Variants in CUBN observed in about 807,000 individuals in gnomAD.
CUBN encodes the protein cubilin, also known as 460 kDa receptor.
A neutral mutation model predicts 405.3 loss-of-function variants in CUBN; 282 were observed. The observed-to-expected ratio is 0.70, with a 90% CI of 0.63 to 0.77. The LOEUF is 0.77. CUBN is among the 30% of genes least tolerant of loss of function. The pLI, the probability that CUBN is intolerant of heterozygous loss-of-function variation, is 0.00. For synonymous variants in CUBN, 1,684 were observed against 1,617.0 expected (o/e 1.04, Z -0.99); for missense variants, 4,514 against 4,475.2 (o/e 1.01, Z -0.25).
intron 17 of CUBN, among the ~76,000 whole-genome samples, chr10:17,073,264 A>G (rs1357104476): frequency 6.6e-6 from 1 of 152,212 alleles, no homozygotes; most frequent in Non-Finnish European, 1.5e-5. Flanking sequence ...TGGGAATAAT[A>G]ATAGTGCAAG....
chr10:17,084,871 G>T (rs183687007), intron 16 of CUBN, among the ~76,000 whole-genome samples: 1 of 152,302 alleles, frequency 6.6e-6, no homozygotes, highest in East Asian at 1.9e-4. Context: ...AGGGGGAGTT[G>T]ATTTGCACGG....
intron 27 of CUBN, among the ~76,000 whole-genome samples, chr10:17,024,138 T>G (rs1046925977): frequency 1.1e-4 from 16 of 152,136 alleles, no homozygotes; most frequent in African/African-American, 3.6e-4. Flanking sequence ...AGACTCCAGT[T>G]GCAATAGGAA....
Position 17,088,272 on chromosome 10 carries a change from TC to T in CUBN, c.1838del (p.Gly613GlufsTer9), listed in dbSNP as rs386833770. 6.2e-7 allele frequency: 1 copy of T among 1,613,642 alleles called. No homozygotes were observed. ...SPGYPGNYPP[G>X]RDCVWIVVTS... ...TTACAACAATCCAGACACAATCTCTTCCTGGGGGATAGTTTCCAGGATACCC... is the reference window on the plus strand; with the variant it reads ...TTACAACAATCCAGACACAATCTCTTCTGGGGGATAGTTTCCAGGATACCC... On this transcript the variant is annotated frameshift_variant, in exon 15 of 67. Coordinates refer to ENST00000377833, the MANE Select transcript of CUBN (RefSeq NM_001081.4). LOFTEE classifies it high-confidence loss of function.
chr10:16,900,222 C>T (rs986414042), intron 53 of CUBN, among the ~76,000 whole-genome samples: 1 of 152,194 alleles, frequency 6.6e-6, no homozygotes, highest in African/African-American at 2.4e-5. Flanking sequence ...CAGCATTCTG[C>T]TTTTAGGCTC....
intron 31 of CUBN, among the ~76,000 whole-genome samples, chr10:16,959,931 A>G (rs577110808): frequency 6.6e-6 from 1 of 152,344 alleles, no homozygotes; most frequent in South Asian, 2.1e-4. Flanking sequence ...CTTAAGTGGT[A>G]AAAGTCAGGG....
At chr10:17,034,753 C>T (rs2131807908) in intron 27 of CUBN, among the ~76,000 whole-genome samples, 1 of 152,220 alleles carries the variant, frequency 6.6e-6, no homozygotes, top group South Asian at 2.1e-4. Context: ...AATCTATAAA[C>T]ACTAATGTAC....
At chr10:17,091,403 A>T (rs200463365) in intron 14 of CUBN, among the ~76,000 whole-genome samples, 1 of 2,820 alleles carries the variant, frequency 3.5e-4, no homozygotes, top group Non-Finnish European at 5.6e-4. Flanking sequence ...AATACTTTTT[A>T]AAAAAAAGAA....
intron 36 of CUBN, among the ~76,000 whole-genome samples, chr10:16,946,027 CT>C (rs1588506889): frequency 6.6e-6 from 1 of 152,292 alleles, no homozygotes; most frequent in East Asian, 1.9e-4. Context: ...AAAAGTAAGA[CT>C]TTTAAATAAA....
rs1335530523 is a variant in CUBN at position 16,915,113 on chromosome 10, T to G, written c.7270A>C (p.Asn2424His). The G allele has an allele frequency of 1.2e-6, 2 of 1,614,062 alleles. No individual in the cohort carries two copies. Among genetic ancestry groups the G allele is most frequent in the East Asian group, 4.5e-5 (2 of 44,874 alleles). The change falls in exon 47 of 67, where the codon AAT becomes CAT. Residue 2424 changes from asparagine (N) to histidine (H), a missense_variant. By Grantham distance (68) the Asn-to-His change is moderately conservative. Transcript: ENST00000377833. ...GTGACAAACCTGACCACAGCAGTAT[T>G]GCTAGAAGTGTCTATGCTGTCAGGA... is the stretch of plus-strand genomic sequence containing the variant. ...TIPDSIDTSS[N>H]TAVVRFVTDG...
intron 6 of CUBN, among the ~76,000 whole-genome samples, chr10:17,116,958 G>A (rs1241809551): frequency 6.7e-6 from 1 of 149,986 alleles, no homozygotes; most frequent in Admixed American, 6.6e-5. Context: ...GTATAAATAT[G>A]TTCCATGCAA....
chr10:17,086,445 T>G (rs1324281156), intron 15 of CUBN, among the ~76,000 whole-genome samples: 1 of 152,150 alleles, frequency 6.6e-6, no homozygotes, highest in African/African-American at 2.4e-5. Context: ...ATTCATAACT[T>G]GGTCCAGGTT....
chr10:16,851,166 A>G (rs1169754333), intron 60 of CUBN, 69 bp downstream of exon 60: 1 of 1,294,808 alleles, frequency 7.7e-7, no homozygotes, highest in Non-Finnish European at 1.1e-6. Flanking sequence ...CTGTAACGAT[A>G]TAAACTGGAA....
At position 16,851,380 on chromosome 10, in the gene CUBN, G is replaced by T; in HGVS notation, c.9518C>A (p.Ser3173Tyr). ...CTTGTCATACATTCCATTCGAATCA[G>T]AATCAGGAGAGGCAAAGGTATTATT... is the stretch of plus-strand genomic sequence containing the variant. ...GSNNTFASPD[S>Y]DSNGMYDKNL... The change falls in exon 60 of 67, where the codon TCT becomes TAT. Residue 3173 changes from serine (S) to tyrosine (Y), a missense_variant. Physicochemically the swap from Ser to Tyr is moderately radical, Grantham distance 144. This residue lies in a region of CUBN where 1,186 missense variants were observed against 1,186.9 expected (regional missense o/e 1.00). Transcript: ENST00000377833. The T allele has an allele frequency of 6.2e-7, 1 of 1,614,134 alleles. No homozygotes were observed. Among genetic ancestry groups the T allele is most frequent in the Non-Finnish European group, 8.5e-7 (1 of 1,180,020 alleles).
intron 59 of CUBN, among the ~76,000 whole-genome samples, chr10:16,861,836 T>C (rs1840021833): frequency 6.6e-6 from 1 of 152,016 alleles, no homozygotes; most frequent in Non-Finnish European, 1.5e-5. Flanking sequence ...CAGTGCCCTT[T>C]TGCATACATT....
At chr10:16,927,618 C>A (rs1842228668) in intron 41 of CUBN, among the ~76,000 whole-genome samples, 1 of 152,200 alleles carries the variant, frequency 6.6e-6, no homozygotes, top group African/African-American at 2.4e-5. Flanking sequence ...AAGGCTGTTA[C>A]TGGACTTCAC....
In CUBN at chr10:17,080,891, C is replaced by T. The variant is rs556936661; in HGVS notation, c.2301+3380G>A. The stretch of plus-strand genomic sequence containing the variant: ...TTCTATACAATTTAAAAGCTCTCTT[C>T]GACAAAAACAGATGAACTAACAATT... On this transcript the variant is annotated intron_variant, in intron 17 of 66. Transcript: ENST00000377833. Among the ~76,000 whole-genome samples, 14 of 152,098 alleles carry T rather than the reference C, an allele frequency of 9.2e-5. 1 individual carries two copies. The highest frequency in any genetic ancestry group is 3.3e-4 in the Admixed American group (5 of 15,268).
intron 39 of CUBN, among the ~76,000 whole-genome samples, chr10:16,937,012 C>T (rs566191307): frequency 1.6e-4 from 25 of 152,252 alleles, no homozygotes; most frequent in African/African-American, 5.5e-4. Context: ...CCACCGCACC[C>T]GGTCTCATTT....
At chr10:17,086,534 C>A (rs1836113120) in intron 15 of CUBN, among the ~76,000 whole-genome samples, 2 of 152,092 alleles carry the variant, frequency 1.3e-5, no homozygotes, top group South Asian at 4.1e-4. Flanking sequence ...TTTAAAAATG[C>A]AACTTTGATA....
intron 60 of CUBN, among the ~76,000 whole-genome samples, chr10:16,845,377 G>A (rs1222783085): frequency 6.6e-6 from 1 of 152,164 alleles, no homozygotes; most frequent in Non-Finnish European, 1.5e-5. Flanking sequence ...GTATCTTCAT[G>A]AATTCTTTGA....
Sources: allele counts gnomAD v4.1 joint callset (sites outside exome capture counted in the v4.1 genomes callset), GRCh38; gene constraint gnomAD v4.1.1; regional missense constraint gnomAD v4.1.1; transcripts MANE v1.5; gene names NCBI Gene and HGNC (gene_info 2026-07-23, HGNC 2026-07-21).